WWOX: variants seen among roughly 807,000 people sequenced by gnomAD.
WWOX encodes WW domain-containing oxidoreductase.
In WWOX, 69 loss-of-function variants were observed where a neutral mutation model predicts 46.2. The ratio of observed to expected loss-of-function variants is 1.49; its 90% CI spans 1.23 to 1.82. WWOX has a LOEUF of 1.82. Among genes scored for constraint, WWOX ranks in the 40% most tolerant of loss-of-function variants. The probability of loss-of-function intolerance (pLI) is 0.00; values close to 1 mark genes in which losing one functional copy is unlikely to be tolerated. For synonymous variants in WWOX, 359 were observed against 202.6 expected (o/e 1.77, Z -6.56); for missense variants, 919 against 542.6 (o/e 1.69, Z -6.89).
At chr16:78,999,894 A>G (rs550233580) in intron 8 of WWOX, among the ~76,000 whole-genome samples, 23 of 152,338 alleles carry the variant, frequency 1.5e-4, no homozygotes, top group Admixed American at 1.4e-3. Context: ...AGTTACTGTA[A>G]TGATTATAAA....
chr16:78,876,301 G>A (rs542477910), intron 8 of WWOX, among the ~76,000 whole-genome samples: 1 of 151,540 alleles, frequency 6.6e-6, no homozygotes, highest in East Asian at 1.9e-4. Context: ...TAGTCTAAGT[G>A]ATGGCTGCTT....
intron 8 of WWOX, among the ~76,000 whole-genome samples, chr16:79,128,119 G>T (rs2049798035): frequency 6.6e-6 from 1 of 152,110 alleles, no homozygotes; most frequent in Non-Finnish European, 1.5e-5. Flanking sequence ...TATCCAGTAA[G>T]GACCAGGAGA....
chr16:78,926,755 T>C (rs1157248060), intron 8 of WWOX, among the ~76,000 whole-genome samples: 1 of 152,136 alleles, frequency 6.6e-6, no homozygotes, highest in Non-Finnish European at 1.5e-5. Context: ...AGAAAGACCA[T>C]GGGTGTGAGT....
At chr16:78,972,522 C>T (rs573186245) in intron 8 of WWOX, among the ~76,000 whole-genome samples, 1 of 151,494 alleles carries the variant, frequency 6.6e-6, no homozygotes, top group East Asian at 1.9e-4. Context: ...GCTCACTGAC[C>T]ATCTCTGGGG....
In WWOX at chr16:78,981,010, G is replaced by A. The variant is rs545290678; in HGVS notation, c.1057-230598G>A. 6.6e-5 allele frequency among the ~76,000 whole-genome samples: 10 copies of A among 152,278 alleles called. No homozygotes were observed. In the South Asian group the frequency reaches 2.1e-3, roughly 32 times the overall value. ...CTTATGTAGAAATCTGTGCTAAGAA[G>A]CGCTGTGTTGCGTCATCATGGGGCA... is the stretch of plus-strand genomic sequence containing the variant. On this transcript the variant is annotated intron_variant, in intron 8 of 8. Transcript: ENST00000566780.
intron 8 of WWOX, among the ~76,000 whole-genome samples, chr16:78,949,823 G>A (rs10871357): frequency 1.3e-5 from 2 of 152,190 alleles, no homozygotes; most frequent in East Asian, 1.9e-4. Flanking sequence ...AGAAATCTCC[G>A]TTGTAGATTC....
intron 8 of WWOX, among the ~76,000 whole-genome samples, chr16:78,715,311 C>A (rs2048535347): frequency 6.6e-6 from 1 of 152,160 alleles, no homozygotes; most frequent in Non-Finnish European, 1.5e-5. Context: ...ACTGGTCCAG[C>A]CGGCTCAGCA....
In WWOX at chr16:79,042,537, A is replaced by T. The variant is rs72795616; in HGVS notation, c.1057-169071A>T. 2.8e-3 allele frequency among the ~76,000 whole-genome samples: 429 copies of T among 152,246 alleles called. 2 individuals are homozygous for T. Among genetic ancestry groups the T allele is most frequent in the Non-Finnish European group, 4.0e-3 (275 of 68,020 alleles). Reference sequence around the variant, plus strand: ...AATGTCTCAAATTACTTACTCAATAAAATGTGGGTTTGTCTATTATTAGTG... The same window carrying T: ...AATGTCTCAAATTACTTACTCAATATAATGTGGGTTTGTCTATTATTAGTG... On this transcript the variant is annotated intron_variant, in intron 8 of 8. Coordinates refer to ENST00000566780, the MANE Select transcript of WWOX (RefSeq NM_016373.4).
At position 78,347,504 on chromosome 16, in the gene WWOX, C is replaced by T. The variant is rs554653019; in HGVS notation, c.517-39356C>T. On this transcript the variant is annotated intron_variant, in intron 5 of 8. Transcript: ENST00000566780. The stretch of plus-strand genomic sequence containing the variant: ...CCCACATATCATTGCTATCCCTCCT[C>T]GACACCCACACCTCTTGCATGTTCC... 4.0e-4 allele frequency among the ~76,000 whole-genome samples: 47 copies of T among 117,928 alleles called. 11 individuals carry two copies. The highest frequency in any genetic ancestry group is 6.8e-4 in the Non-Finnish European group (34 of 49,744). 77.4% of individuals were successfully genotyped at this position (117,928 alleles called of 152,430 possible).
chr16:78,409,013 A>C (rs949218486), intron 6 of WWOX, among the ~76,000 whole-genome samples: 49 of 152,134 alleles, frequency 3.2e-4, no homozygotes, highest in African/African-American at 1.1e-3. Context: ...CCTACCTCTG[A>C]TTTCTTAATG....
At chr16:78,451,914 A>G (rs557230029) in intron 8 of WWOX, among the ~76,000 whole-genome samples, 1 of 152,196 alleles carries the variant, frequency 6.6e-6, no homozygotes, top group Admixed American at 6.5e-5. Flanking sequence ...AAGGAATGAA[A>G]TTATAACGTA....
intron 5 of WWOX, among the ~76,000 whole-genome samples, chr16:78,267,507 C>G (rs1303072916): frequency 6.6e-6 from 1 of 152,184 alleles, no homozygotes; most frequent in African/African-American, 2.4e-5. Context: ...GGAAGGCCAT[C>G]TGATTGGAAT....
chr16:78,421,358 T>A (rs987939066), intron 6 of WWOX, among the ~76,000 whole-genome samples: 1 of 152,116 alleles, frequency 6.6e-6, no homozygotes, highest in Non-Finnish European at 1.5e-5. Flanking sequence ...TTTATCTTAG[T>A]CAGTCTAATC....
intron 8 of WWOX, among the ~76,000 whole-genome samples, chr16:78,793,386 T>C (rs1016893467): frequency 3.9e-5 from 6 of 152,122 alleles, no homozygotes; most frequent in Non-Finnish European, 8.8e-5. Context: ...ATGCTCAAAC[T>C]TGGTATGGAA....
intron 8 of WWOX, among the ~76,000 whole-genome samples, chr16:78,906,048 T>G (rs1484109687): frequency 1.3e-5 from 2 of 152,344 alleles, no homozygotes; most frequent in East Asian, 3.9e-4. Flanking sequence ...AATGAATGAA[T>G]GAATAACATA....
chr16:78,958,298 A>G (rs1467531880), intron 8 of WWOX, among the ~76,000 whole-genome samples: 1 of 152,218 alleles, frequency 6.6e-6, no homozygotes, highest in African/African-American at 2.4e-5. Flanking sequence ...TGTCATCAAA[A>G]TAACATTTAC....
At chr16:79,102,508 T>C (rs980182946) in intron 8 of WWOX, among the ~76,000 whole-genome samples, 1 of 152,226 alleles carries the variant, frequency 6.6e-6, no homozygotes, top group African/African-American at 2.4e-5. Flanking sequence ...AACATCATGC[T>C]TTTCAAGATT....
chr16:79,008,261 C>G (rs1044590368), intron 8 of WWOX, among the ~76,000 whole-genome samples: 1 of 152,190 alleles, frequency 6.6e-6, no homozygotes, highest in African/African-American at 2.4e-5. Flanking sequence ...TTCTTCAAGA[C>G]TGAAGGAGGC....
intron 8 of WWOX, among the ~76,000 whole-genome samples, chr16:78,661,752 A>G (rs1041958686): frequency 2.6e-4 from 39 of 152,206 alleles, no homozygotes; most frequent in Admixed American, 1.1e-3. Context: ...ATAGTAGTTA[A>G]TAGACTGGGT....
Sources: gnomAD v4.1 joint callset for allele counts (sites outside exome capture counted in the v4.1 genomes callset) on GRCh38, gnomAD v4.1.1 for gene constraint, MANE v1.5 for transcripts, NCBI Gene and HGNC (gene_info 2026-07-23, HGNC 2026-07-21) for gene names.